Variants in FAM89A observed in about 807,000 individuals in gnomAD.
FAM89A encodes family with sequence similarity 89 member A.
A neutral mutation model predicts 7.1 loss-of-function variants in FAM89A; 10 were observed. The observed-to-expected ratio is 1.40, with a 90% confidence interval of 0.86 to 2.38. The LOEUF (loss-of-function observed/expected upper bound fraction) is 2.38. Ranked by LOEUF, FAM89A falls within the 30% of genes most tolerant of loss-of-function variation. The pLI, the probability that FAM89A is intolerant of heterozygous loss-of-function variation, is 0.00. For synonymous variants in FAM89A, 157 were observed against 129.3 expected, an observed-to-expected ratio of 1.21 and a Z score of -1.45; for missense variants, 276 against 262.8, an observed-to-expected ratio of 1.05 and a Z score of -0.35.
intron 1 of FAM89A, chr1:231,026,735 G>A (rs1679981852): frequency 6.6e-6 from 1 of 152,146 alleles, no homozygotes; most frequent in Admixed American, 6.6e-5. Flanking sequence ...TGTTTTCCAG[G>A]ATTCCTCTGC....
intron 1 of FAM89A, chr1:231,028,572 C>T (rs1005903995): frequency 6.6e-6 from 1 of 152,228 alleles, no homozygotes; most frequent in African/African-American, 2.4e-5. Context: ...CTGGTCTCCA[C>T]ATTCACAGCT....
chr1:231,025,913 T>C (rs554938543), intron 1 of FAM89A: 10 of 152,582 alleles, frequency 6.6e-5, no homozygotes, highest in African/African-American at 2.2e-4. Context: ...GGGCCACTTA[T>C]ATTTATTATC....
intron 1 of FAM89A, among the ~76,000 whole-genome samples, chr1:231,027,469 C>T (rs1679993706): frequency 6.6e-6 from 1 of 152,178 alleles, no homozygotes. Flanking sequence ...TGCACACGCA[C>T]ACACACGCCT....
At chr1:231,037,500 A>G (rs979677831) in intron 1 of FAM89A, among the ~76,000 whole-genome samples, 3 of 151,982 alleles carry the variant, frequency 2.0e-5, no homozygotes, top group Admixed American at 6.6e-5. Context: ...CAAGCCCCCT[A>G]CCCTGCTGGG....
At chr1:231,026,027 C>T (rs12569337) in intron 1 of FAM89A, 21,270 of 152,640 alleles carry the variant, frequency 0.14, 1,637 homozygotes, top group African/African-American at 0.21. Context: ...ATCTTGGCTC[C>T]GCCACTCACC....
intron 1 of FAM89A, among the ~76,000 whole-genome samples, chr1:231,020,970 T>C (rs1005997942): frequency 6.6e-6 from 1 of 152,220 alleles, no homozygotes; most frequent in Non-Finnish European, 1.5e-5. Flanking sequence ...TTAAGCCTCT[T>C]GGAAATGCAG....
chr1:231,020,167 C>A, intron 1 of FAM89A, 41 bp from the exon 2 acceptor site: 1 of 1,551,710 alleles, frequency 6.4e-7, no homozygotes. Context: ...GAGAAGTCAG[C>A]ACTTGAGTTT....
At chr1:231,025,168 C>A (rs186374746) in intron 1 of FAM89A, among the ~76,000 whole-genome samples, 1 of 150,228 alleles carries the variant, frequency 6.7e-6, no homozygotes, top group South Asian at 2.1e-4. Context: ...GTGATCCACC[C>A]GCCTCGGCCT....
chr1:231,021,754 C>A, intron 1 of FAM89A: 2 of 1,602,016 alleles, frequency 1.2e-6, no homozygotes, highest in Non-Finnish European at 1.7e-6. Flanking sequence ...AAATTGTTGA[C>A]CTCACTTGTG....
chr1:231,023,433 T>C (rs12037779), intron 1 of FAM89A, among the ~76,000 whole-genome samples: 44,825 of 152,096 alleles, frequency 0.29, 6,942 homozygotes, highest in Non-Finnish European at 0.35. Flanking sequence ...GGCCTTACAG[T>C]GCCGGCATGC....
intron 1 of FAM89A, among the ~76,000 whole-genome samples, chr1:231,024,957 CTGTTGCCCAGGCTGGAG>C (rs1411487126): frequency 8.7e-6 from 1 of 114,644 alleles, no homozygotes; most frequent in Non-Finnish European, 1.7e-5. Context: ...GAGTCTTGCT[CTGTTGCCCAGGCTGGAG>C]TGTAGTGGTG....
chr1:231,033,001 C>T (rs59759622), intron 1 of FAM89A, among the ~76,000 whole-genome samples: 4,335 of 152,326 alleles, frequency 0.028, 221 homozygotes, highest in African/African-American at 0.097. Flanking sequence ...CCCACAAAAA[C>T]GGGAAAGGCC....
At chr1:231,020,269 G>T in intron 1 of FAM89A, 143 bp from the exon 2 acceptor site, 1 of 904,684 alleles carries the variant, frequency 1.1e-6, no homozygotes, top group Non-Finnish European at 1.6e-6. Flanking sequence ...GGATGCTTTG[G>T]ATTTCCAGTT....
intron 1 of FAM89A, among the ~76,000 whole-genome samples, chr1:231,020,564 A>G (rs958632927): frequency 2.6e-5 from 4 of 152,032 alleles, no homozygotes; most frequent in African/African-American, 9.7e-5. Flanking sequence ...GTCATTCTCA[A>G]CTCCCAGGGG....
At chr1:231,024,695 C>G (rs992250090) in intron 1 of FAM89A, among the ~76,000 whole-genome samples, 41 of 152,014 alleles carry the variant, frequency 2.7e-4, no homozygotes, top group African/African-American at 9.2e-4. Flanking sequence ...TACCACCATG[C>G]CTGGCTAATT....
intron 1 of FAM89A, among the ~76,000 whole-genome samples, chr1:231,022,803 C>T (rs1193393330): frequency 2.0e-5 from 3 of 152,162 alleles, no homozygotes; most frequent in African/African-American, 4.8e-5. Context: ...AAAGGCCATT[C>T]GTTACCTACT....
chr1:231,021,897 A>G, intron 1 of FAM89A: 1 of 1,564,076 alleles, frequency 6.4e-7, no homozygotes, highest in Non-Finnish European at 8.8e-7. Flanking sequence ...GTGAGCAGTG[A>G]CGATGAGTTG....
At chr1:231,020,736 C>T (rs762416373) in intron 1 of FAM89A, among the ~76,000 whole-genome samples, 4 of 152,310 alleles carry the variant, frequency 2.6e-5, no homozygotes, top group Non-Finnish European at 5.9e-5. Flanking sequence ...CCCAGAGTAA[C>T]TGACTGAATA....
intron 1 of FAM89A, among the ~76,000 whole-genome samples, chr1:231,024,519 TGCACACACACACAC>T (rs1254728406): frequency 2.4e-4 from 10 of 41,610 alleles, no homozygotes; most frequent in African/African-American, 8.1e-4. Flanking sequence ...TTACATTGCA[TGCACACACACACAC>T]ACACACACAC....
Sources: allele counts gnomAD v4.1 joint callset (sites outside exome capture counted in the v4.1 genomes callset), GRCh38; gene constraint gnomAD v4.1.1; transcripts MANE v1.5; gene names NCBI Gene and HGNC (gene_info 2026-07-23, HGNC 2026-07-21).